Variants in EPC1 observed in about 807,000 individuals in gnomAD.
The protein encoded by EPC1 is enhancer of polycomb homolog 1.
EPC1 carries 12 observed loss-of-function variants against 98.4 expected under a neutral mutation model. That is an observed-to-expected ratio of 0.12 (90% CI 0.08 to 0.20). EPC1 has a LOEUF of 0.20. EPC1 is among the 10% of genes least tolerant of loss of function. EPC1 has a pLI of 1.00. For missense variants in EPC1, 729 were observed against 990.5 expected, an observed-to-expected ratio of 0.74 and a Z score of 3.54; for synonymous variants, 357 against 363.9, an observed-to-expected ratio of 0.98 and a Z score of 0.21.
At chr10:32,324,022 G>A (rs1026909501) in intron 1 of EPC1, among the ~76,000 whole-genome samples, 1 of 152,018 alleles carries the variant, frequency 6.6e-6, no homozygotes, top group South Asian at 2.1e-4. Context: ...TGCAAGCTCC[G>A]CCTCCTAGGT....
intron 2 of EPC1, among the ~76,000 whole-genome samples, chr10:32,302,332 TA>T (rs1258499325): frequency 6.6e-6 from 1 of 150,454 alleles, no homozygotes; most frequent in African/African-American, 2.4e-5. Flanking sequence ...AACTCAACAT[TA>T]AGACACCCAT....
In EPC1 at chr10:32,375,931, G is replaced by C. The variant is rs531275205; in HGVS notation, c.3+2560C>G. On this transcript the variant is annotated intron_variant, in intron 1 of 13. Coordinates refer to the EPC1 transcript ENST00000375110. ...ATAATTCTAATCACAATCACACCAA[G>C]CTCATGAACTACATTTCTATAAAAA... 9.2e-5 allele frequency among the ~76,000 whole-genome samples: 14 copies of C among 151,894 alleles called. 1 individual carries two copies. The South Asian group carries it at 2.9e-3, about 32-fold the overall frequency.
At chr10:32,336,282 C>T (rs1182573122) in intron 1 of EPC1, among the ~76,000 whole-genome samples, 4 of 130,762 alleles carry the variant, frequency 3.1e-5, no homozygotes, top group Non-Finnish European at 6.6e-5. Context: ...GTTGGCCAGG[C>T]TGGTCTCGAA....
chr10:32,301,038 A>ATATTTATCTATCTATCTATCTATC (rs71299736), intron 2 of EPC1, among the ~76,000 whole-genome samples: 2 of 143,008 alleles, frequency 1.4e-5, no homozygotes, highest in Non-Finnish European at 3.1e-5. Flanking sequence ...AAGCACATTT[A>ATATTTATCTATCTATCTATCTATC]TATCTATCTA....
Position 32,346,852 on chromosome 10 carries a change from A to G in EPC1, c.64T>C (p.Cys22Arg). The change falls in exon 1 of 14, where the codon TGT becomes CGT. Residue 22 changes from cysteine to arginine, a missense_variant. Around this residue, in one of 6 missense-constraint regions of EPC1, gnomAD observed 46 missense variants for 119.7 expected, o/e 0.38. Transcript: ENST00000319778. ...DASKPLPVFR[C>R]EDLPDLHEYA... is the part of the protein sequence containing the mutation. ...TCGTGCAGGTCGGGCAGATCCTCAC[A>G]GCGGAAAACCGGCAGCGGCTTCGAG... 6.2e-7 allele frequency: 1 copy of G among 1,614,178 alleles called. No individual in the cohort carries two copies. The highest frequency in any genetic ancestry group is 8.5e-7 in the Non-Finnish European group (1 of 1,180,004).
chr10:32,286,819 G>T lies in EPC1; in HGVS notation c.1266C>A (p.Asn422Lys). 1 of 1,613,630 alleles carries T rather than the reference G, an allele frequency of 6.2e-7. No homozygotes were observed. Among genetic ancestry groups the T allele is most frequent in the African/African-American group, 1.3e-5 (1 of 74,880 alleles). Reference protein sequence around the residue: ...YYAPHLDQTGNWPWTSPKDGG... With the variant: ...YYAPHLDQTGKWPWTSPKDGG... ...CATCTTTAGGACTAGTCCAAGGCCA[G>T]TTGCCAGTTTGGTCTAAGTGAGGCT... The change falls in exon 9 of 14, where the codon AAC becomes AAA. Residue 422 changes from asparagine (N) to lysine (K), a missense_variant. Asn to Lys is a moderately conservative substitution (Grantham distance 94). Coordinates refer to ENST00000319778, the MANE Select transcript of EPC1 (RefSeq NM_001272004.3).
chr10:32,277,881 G>T (rs1028386943), intron 10 of EPC1, among the ~76,000 whole-genome samples: 2 of 151,512 alleles, frequency 1.3e-5, no homozygotes, highest in Non-Finnish European at 2.9e-5. Flanking sequence ...AAGACTCTCT[G>T]AGTCCATTTG....
intron 2 of EPC1, among the ~76,000 whole-genome samples, chr10:32,299,145 G>A (rs1323904483): frequency 2.0e-5 from 3 of 151,884 alleles, no homozygotes; most frequent in Admixed American, 6.6e-5. Context: ...TTTCATTTTC[G>A]AAGCCATAGG....
chr10:32,328,856 A>T (rs1007521677), intron 1 of EPC1, among the ~76,000 whole-genome samples: 1 of 152,292 alleles, frequency 6.6e-6, no homozygotes, highest in African/African-American at 2.4e-5. Flanking sequence ...TGGGTGTGGC[A>T]GGAAGGTGGT....
intron 11 of EPC1, chr10:32,272,938 T>C: frequency 8.2e-7 from 1 of 1,225,846 alleles, no homozygotes; most frequent in Admixed American, 1.9e-5. Flanking sequence ...GAAGACAGTA[T>C]CTTCATCTCA....
chr10:32,312,561 T>C (rs944142306), intron 1 of EPC1, among the ~76,000 whole-genome samples: 5 of 152,172 alleles, frequency 3.3e-5, no homozygotes, highest in Admixed American at 6.5e-5. Context: ...AGTTGGTTTA[T>C]TTACTACCGT....
At chr10:32,320,206 A>G (rs1265556682) in intron 1 of EPC1, among the ~76,000 whole-genome samples, 1 of 151,868 alleles carries the variant, frequency 6.6e-6, no homozygotes, top group Non-Finnish European at 1.5e-5. Flanking sequence ...TTTTTTTTAA[A>G]TAAAGCTAAG....
At chr10:32,310,878 GA>G (rs973503329) in intron 1 of EPC1, among the ~76,000 whole-genome samples, 3 of 149,402 alleles carry the variant, frequency 2.0e-5, no homozygotes, top group Non-Finnish European at 4.5e-5. Context: ...TGTCTCAAAA[GA>G]AAAAAAAATT....
rs756456099 is a variant in EPC1, at chr10:32,291,312, C to T, written c.826G>A (p.Gly276Ser). The change falls in exon 6 of 14, where the codon GGC (glycine) becomes AGC (serine). Residue 276 changes from glycine to serine, a missense_variant. Gly to Ser is a moderately conservative substitution (Grantham distance 56). Coordinates refer to ENST00000319778, the MANE Select transcript of EPC1 (RefSeq NM_001272004.3). ...GACATGATCTCTCCATTGTAGTCGCCCAAATTATACCTAAAATTATACAAA... is the reference window on the plus strand; with the variant it reads ...GACATGATCTCTCCATTGTAGTCGCTCAAATTATACCTAAAATTATACAAA... The part of the protein sequence containing the change: ...LEIMEKRYNL[G>S]DYNGEIMSEV... 3.7e-6 allele frequency: 6 copies of T among 1,603,618 alleles called. No homozygotes were observed. The South Asian group carries it at 6.8e-5, about 18-fold the overall frequency.
chr10:32,282,343 C>A (rs1836451953), intron 10 of EPC1: 1 of 152,156 alleles, frequency 6.6e-6, no homozygotes, highest in South Asian at 2.1e-4. Flanking sequence ...CTAGCCTGGG[C>A]AACATAGACC....
At chr10:32,302,649 CA>C (rs59397703) in intron 2 of EPC1, among the ~76,000 whole-genome samples, 9 of 117,272 alleles carry the variant, frequency 7.7e-5, no homozygotes, top group African/African-American at 1.0e-4. Flanking sequence ...GACTCCATCT[CA>C]AAAAAAAAAA....
intron 1 of EPC1, among the ~76,000 whole-genome samples, chr10:32,339,748 T>G (rs1273240627): frequency 6.6e-6 from 1 of 152,196 alleles, no homozygotes; most frequent in Non-Finnish European, 1.5e-5. Context: ...ATGAAATTCA[T>G]CTGTACATGA....
chr10:32,357,126 G>T (rs926531832), intron 1 of EPC1, among the ~76,000 whole-genome samples: 5 of 152,188 alleles, frequency 3.3e-5, no homozygotes, highest in African/African-American at 1.2e-4. Context: ...CATAGCCAGG[G>T]ACACAGAGTA....
At chr10:32,318,026 T>C (rs1211308942) in intron 1 of EPC1, among the ~76,000 whole-genome samples, 1 of 152,208 alleles carries the variant, frequency 6.6e-6, no homozygotes, top group Non-Finnish European at 1.5e-5. Context: ...CTCATGTCCT[T>C]ATTTGTACCC....
Sources: gnomAD v4.1 joint callset for allele counts (sites outside exome capture counted in the v4.1 genomes callset) on GRCh38, gnomAD v4.1.1 for gene constraint, gnomAD v4.1.1 regional missense constraint, MANE v1.5 for transcripts, NCBI Gene and HGNC (gene_info 2026-07-23, HGNC 2026-07-21) for gene names.